Variants in GPC6 observed in about 807,000 individuals in gnomAD.
GPC6 encodes the protein glypican 6.
Under a neutral mutation model 55.2 loss-of-function variants are expected in GPC6, and 14 were observed. That is an observed-to-expected ratio of 0.25 (90% CI 0.17 to 0.40). The LOEUF is 0.40. Ranked by LOEUF, GPC6 falls within the 10% of genes least tolerant of loss-of-function variation. The pLI is 1.00. For missense variants in GPC6, 641 were observed against 708.5 expected (o/e 0.90, Z 1.08); for synonymous variants, 278 against 259.6 (o/e 1.07, Z -0.68).
chr13:94,211,202 A>T (rs1890066278), intron 4 of GPC6, among the ~76,000 whole-genome samples: 1 of 152,174 alleles, frequency 6.6e-6, no homozygotes, highest in East Asian at 1.9e-4. Context: ...GCCTAGAAAT[A>T]TTAGTAATCT....
chr13:93,258,476 T>C (rs1039044008), intron 1 of GPC6, among the ~76,000 whole-genome samples: 7 of 152,278 alleles, frequency 4.6e-5, no homozygotes, highest in African/African-American at 1.7e-4. Flanking sequence ...TGGTCTTGGC[T>C]GATGCTTCAC....
At chr13:94,128,643 C>T (rs1321487616) in intron 4 of GPC6, among the ~76,000 whole-genome samples, 1 of 152,102 alleles carries the variant, frequency 6.6e-6, no homozygotes, top group Non-Finnish European at 1.5e-5. Context: ...TGTTACAACT[C>T]GCTGGCCAGG....
chr13:93,990,416 T>A (rs1238271606), intron 3 of GPC6, among the ~76,000 whole-genome samples: 2 of 152,142 alleles, frequency 1.3e-5, no homozygotes, highest in African/African-American at 4.8e-5. Context: ...TTTTAGGGAC[T>A]CATCTAGGAT....
At chr13:93,673,136 A>G (rs1881438136) in intron 2 of GPC6, among the ~76,000 whole-genome samples, 1 of 152,080 alleles carries the variant, frequency 6.6e-6, no homozygotes, top group Non-Finnish European at 1.5e-5. Flanking sequence ...TAGGTGGAGA[A>G]ACCAACCAAC....
At chr13:94,121,524 T>G (rs990634237) in intron 4 of GPC6, among the ~76,000 whole-genome samples, 2 of 152,162 alleles carry the variant, frequency 1.3e-5, no homozygotes, top group African/African-American at 4.8e-5. Context: ...TTTCTATAAC[T>G]GGTAAAAATA....
At chr13:94,002,705 C>T (rs1264292428) in intron 3 of GPC6, among the ~76,000 whole-genome samples, 2 of 152,096 alleles carry the variant, frequency 1.3e-5, no homozygotes, top group African/African-American at 4.8e-5. Flanking sequence ...AAAAAACTCC[C>T]TGTCTTGAAA....
intron 1 of GPC6, among the ~76,000 whole-genome samples, chr13:93,289,168 G>A (rs1878235101): frequency 6.6e-6 from 1 of 152,126 alleles, no homozygotes; most frequent in Non-Finnish European, 1.5e-5. Context: ...TAATACTGAT[G>A]ACTTTATTAA....
At chr13:93,839,186 T>C (rs760641295) in intron 3 of GPC6, among the ~76,000 whole-genome samples, 5 of 152,068 alleles carry the variant, frequency 3.3e-5, no homozygotes, top group Non-Finnish European at 5.9e-5. Context: ...ACTTGAGTGG[T>C]TTAATTGGTT....
chr13:94,242,833 G>A (rs1172838834), intron 4 of GPC6, among the ~76,000 whole-genome samples: 1 of 151,962 alleles, frequency 6.6e-6, no homozygotes, highest in Non-Finnish European at 1.5e-5. Context: ...ATTTTACACA[G>A]TCTGTTGGGT....
At chr13:93,220,361 A>C in the GPC6 span, among the ~76,000 whole-genome samples, 1 of 152,222 alleles carries the variant, frequency 6.6e-6, no homozygotes, top group African/African-American at 2.4e-5. Context: ...GACTGGCAAG[A>C]AGCATGGTTT....
chr13:93,904,520 T>C (rs148492945), intron 3 of GPC6, among the ~76,000 whole-genome samples: 13 of 152,210 alleles, frequency 8.5e-5, no homozygotes, highest in African/African-American at 3.1e-4. Context: ...CCAGTAAAAA[T>C]GTTAACACTC....
chr13:94,034,200 AGAAGGAAGGAAG>A (rs575821539), intron 4 of GPC6, among the ~76,000 whole-genome samples: 1,435 of 72,710 alleles, frequency 0.02, 24 homozygotes, highest in African/African-American at 0.037. Flanking sequence ...AAAGAAAGAA[AGAAGGAAGGAAG>A]GAAGGAAGGA....
intron 3 of GPC6, among the ~76,000 whole-genome samples, chr13:93,896,167 T>C (rs752318285): frequency 6.6e-6 from 1 of 152,008 alleles, no homozygotes; most frequent in African/African-American, 2.4e-5. Context: ...GATAAATACG[T>C]ACAGCTATTA....
intron 1 of GPC6, among the ~76,000 whole-genome samples, chr13:93,497,564 A>C (rs766387069): frequency 2.0e-5 from 3 of 152,250 alleles, no homozygotes; most frequent in Non-Finnish European, 4.4e-5. Flanking sequence ...GTCAGTTAAC[A>C]GGGATGTATG....
rs115091145 is a variant in GPC6 at position 94,002,300 on chromosome 13, A to G, written c.712-25429A>G. Among the ~76,000 whole-genome samples, 679 of 152,274 alleles carry G rather than the reference A, an allele frequency of 4.5e-3. 9 individuals are homozygous for G. The highest frequency in any genetic ancestry group is 0.016 in the African/African-American group (649 of 41,572). On this transcript the variant is annotated intron_variant, in intron 3 of 8. Transcript: ENST00000377047. ...TGCTGCCGTGTCGGTCAATACCCCA[A>G]TGAAACTTGGTCAGCTCAATTTTCC...
intron 2 of GPC6, among the ~76,000 whole-genome samples, chr13:93,550,943 C>T (rs1019873871): frequency 1.3e-5 from 2 of 152,008 alleles, no homozygotes; most frequent in African/African-American, 4.8e-5. Flanking sequence ...TTGGGGGAGA[C>T]ATAAGTATAA....
chr13:93,579,455 G>A (rs1876832862), intron 2 of GPC6, among the ~76,000 whole-genome samples: 1 of 151,914 alleles, frequency 6.6e-6, no homozygotes, highest in South Asian at 2.1e-4. Context: ...AGAAAAAGGA[G>A]GAGGAGAAGG....
intron 3 of GPC6, among the ~76,000 whole-genome samples, chr13:93,910,104 T>A (rs1053757691): frequency 1.3e-5 from 2 of 152,032 alleles, no homozygotes; most frequent in Non-Finnish European, 2.9e-5. Context: ...TGATATGGTT[T>A]GGCTGTGTTC....
chr13:94,116,090 G>A (rs1254734872), intron 4 of GPC6, among the ~76,000 whole-genome samples: 1 of 152,056 alleles, frequency 6.6e-6, no homozygotes, highest in African/African-American at 2.4e-5. Context: ...AAGTGCTTTA[G>A]TAATTTAGTT....
Sources: gnomAD v4.1 joint callset for allele counts (sites outside exome capture counted in the v4.1 genomes callset) on GRCh38, gnomAD v4.1.1 for gene constraint, MANE v1.5 for transcripts, NCBI Gene and HGNC (gene_info 2026-07-23, HGNC 2026-07-21) for gene names.